The following ACP6 variants were observed in gnomAD, a reference collection of about 807,000 sequenced individuals.
The protein encoded by ACP6 is lysophosphatidic acid phosphatase type 6.
ACP6 carries 48 observed loss-of-function variants against 48.1 expected under a neutral mutation model. That is an observed-to-expected ratio of 1.00 (90% CI 0.79 to 1.27). The LOEUF is 1.27. Ranked by LOEUF, ACP6 falls within the 50% of genes most tolerant of loss-of-function variation. The pLI, the probability that ACP6 is intolerant of heterozygous loss-of-function variation, is 0.00. For missense variants in ACP6, 485 were observed against 529.1 expected (o/e 0.92, Z 0.82); for synonymous variants, 172 against 204.2 (o/e 0.84, Z 1.34).
chr1:147,664,823 C>G (rs1660719782), intron 1 of ACP6, among the ~76,000 whole-genome samples: 1 of 152,156 alleles, frequency 6.6e-6, no homozygotes, highest in Non-Finnish European at 1.5e-5. Flanking sequence ...ATATGAAGGC[C>G]ATAGCAGTTC....
Position 147,647,835 on chromosome 1 carries a change from G to A in ACP6, c.1144-269C>T, listed in dbSNP as rs116922464. On this transcript the variant is annotated intron_variant, in intron 9 of 9. Coordinates refer to ENST00000583509, the MANE Select transcript of ACP6 (RefSeq NM_016361.5). ...GAGAACCAACAGGCTCATCCCTGGG[G>A]CGTGCTCTGGCCTCTGCCCTGGACC... is the stretch of plus-strand genomic sequence containing the variant. 5.3e-3 allele frequency: 2,857 copies of A among 543,746 alleles called. 54 individuals are homozygous for A. Among genetic ancestry groups the A allele is most frequent in the Admixed American group, 0.037 (1,079 of 28,944 alleles). The allele number at this position is 543,746 out of a possible 1,614,324, so 33.7% of individuals were successfully genotyped here.
At chr1:147,652,222 T>G in intron 7 of ACP6, 1 of 449,932 alleles carries the variant, frequency 2.2e-6, no homozygotes, top group Non-Finnish European at 3.9e-6. Context: ...ATGAGGGTGG[T>G]GGCTCCTGGT....
chr1:147,629,811 CTA>C (rs1388625682), exon 6 of ACP6: 1 of 152,152 alleles, frequency 6.6e-6, no homozygotes, highest in Non-Finnish European at 1.5e-5. Context: ...AAAGTTGTCT[CTA>C]TTTAACATGG....
In ACP6 at chr1:147,644,938, A is replaced by G. The variant is rs1357184297; in HGVS notation, c.*2485T>C. Reference sequence around the variant, plus strand: ...ACAGGGAAAGGTCTAGGTTGAAGGTATAAATTTAGGAGACATTGTGTAAAT... The same window carrying G: ...ACAGGGAAAGGTCTAGGTTGAAGGTGTAAATTTAGGAGACATTGTGTAAAT... On this transcript the variant is annotated 3_prime_UTR_variant, in exon 10 of 10. Coordinates refer to ENST00000583509, the MANE Select transcript of ACP6 (RefSeq NM_016361.5). 2 of 152,082 alleles carry G rather than the reference A, an allele frequency of 1.3e-5. No individual in the cohort carries two copies. The highest frequency in any genetic ancestry group is 2.9e-5 in the Non-Finnish European group (2 of 68,002). The allele number at this position is 152,082 out of a possible 1,614,324, so 9.4% of individuals were successfully genotyped here. A position where few individuals can be genotyped will look rare whatever the true frequency, so the allele number is the denominator to read the frequency against.
At position 147,647,404 on chromosome 1, in the gene ACP6, T is replaced by C. The variant is rs1557878036; in HGVS notation, c.*19A>G. On this transcript the variant is annotated 3_prime_UTR_variant, in exon 10 of 10. Coordinates refer to ENST00000583509, the MANE Select transcript of ACP6 (RefSeq NM_016361.5). Reference sequence around the variant, plus strand: ...GGCACTTTATTTTAAAATCAACACATCCTGCTTTTATAAATCAGTTACTCT... The same window carrying C: ...GGCACTTTATTTTAAAATCAACACACCCTGCTTTTATAAATCAGTTACTCT... The C allele has an allele frequency of 7.4e-6, 12 of 1,613,744 alleles. No individual in the cohort carries two copies. Among genetic ancestry groups the C allele is most frequent in the South Asian group, 2.2e-5 (2 of 91,058 alleles).
rs587702607 is a variant in ACP6, at chr1:147,642,747, T to A, written c.*4676A>T. On this transcript the variant is annotated 3_prime_UTR_variant, in exon 10 of 10. Coordinates refer to ENST00000583509, the MANE Select transcript of ACP6 (RefSeq NM_016361.5). Reference sequence around the variant, plus strand: ...GGACACATCAGTGAACAAGAGGAAATCTGCCTTCATGGAGCTTCCATTTTA... The same window carrying A: ...GGACACATCAGTGAACAAGAGGAAAACTGCCTTCATGGAGCTTCCATTTTA... The A allele has an allele frequency of 6.6e-6, 1 of 152,310 alleles. No homozygotes were observed. Among genetic ancestry groups the A allele is most frequent in the East Asian group, 1.9e-4 (1 of 5,182 alleles). 9.4% of individuals were successfully genotyped at this position (152,310 alleles called of 1,614,324 possible). A position where few individuals can be genotyped will look rare whatever the true frequency, so the allele number is the denominator to read the frequency against.
At chr1:147,638,098 A>T (rs1659345477), downstream of ACP6, among the ~76,000 whole-genome samples, 1 of 152,226 alleles carries the variant, frequency 6.6e-6, no homozygotes, top group Admixed American at 6.5e-5. Flanking sequence ...CCAGGTTATG[A>T]TCTACAGATA....
chr1:147,633,861 TA>T (rs11383540), intron 5 of ACP6, among the ~76,000 whole-genome samples: 33,017 of 152,032 alleles, frequency 0.22, 4,944 homozygotes, highest in African/African-American at 0.42. Context: ...AAAATTGTGG[TA>T]AAAAAATACA....
chr1:147,655,369 C>G, intron 4 of ACP6, 121 bp from the exon 5 acceptor site: 1 of 740,964 alleles, frequency 1.3e-6, no homozygotes, highest in Non-Finnish European at 2.3e-6. Context: ...GGCAGATCAT[C>G]AAGGTTACTC....
rs1659843460 is a variant in ACP6 at position 147,650,184 on chromosome 1, C to G, written c.936G>C (p.Leu312=). The G allele has an allele frequency of 2.5e-6, 4 of 1,607,166 alleles. No homozygotes were observed. The South Asian group carries it at 4.4e-5, about 18-fold the overall frequency. Residue 312 remains leucine (L), a synonymous_variant, in exon 8 of 10, where the codon CTG becomes CTC. Transcript: ENST00000583509. ...CAGTGGCAGAGTCCATGGCTTTCAG[C>G]AGGTTGCTCTCTAGGATGTGGAGGA... The part of the protein sequence containing the change: ...GPFLHILESN[L]LKAMDSATAP...
At position 147,645,316 on chromosome 1, in the gene ACP6, T is replaced by G. The variant is rs1659582374; in HGVS notation, c.*2107A>C. On this transcript the variant is annotated 3_prime_UTR_variant, in exon 10 of 10. Transcript: ENST00000583509. ...GTTGGCCAGGCTGGTCTCGAACTCC[T>G]GGCCTCAGGTGATCTGCCTGCCTTG... 1 of 152,204 alleles carries G rather than the reference T, an allele frequency of 6.6e-6. No homozygotes were observed. 9.4% of individuals were successfully genotyped at this position (152,204 alleles called of 1,614,324 possible).
At position 147,652,507 on chromosome 1, in the gene ACP6, T is replaced by A. The variant is rs2153463; in HGVS notation, c.823A>T (p.Arg275Trp). ...PSCPMLKRFA[R>W]MIEQRAVDTS... ...TCCACAGCTCTCTGTTCGATCATCC[T>A]TGCAAATCTCTTCAGCATGGGGCAG... The change falls in exon 7 of 10, where the codon AGG becomes TGG. Residue 275 changes from arginine to tryptophan, a missense_variant. By Grantham distance (101) the Arg-to-Trp change is moderately radical. Transcript: ENST00000583509. The A allele has an allele frequency of 4.1e-5, 66 of 1,613,854 alleles. No homozygotes were observed. Among genetic ancestry groups the A allele is most frequent in the South Asian group, 1.1e-4 (10 of 91,056 alleles).
chr1:147,659,329 G>C, intron 3 of ACP6, 67 bp downstream of exon 3: 5 of 1,573,406 alleles, frequency 3.2e-6, no homozygotes, highest in Non-Finnish European at 4.3e-6. Context: ...ATCTTGGGGA[G>C]TCAGGACAGG....
At chr1:147,662,196 AAGG>A (rs2148914339) in intron 1 of ACP6, among the ~76,000 whole-genome samples, 1 of 152,328 alleles carries the variant, frequency 6.6e-6, no homozygotes, top group East Asian at 1.9e-4. Flanking sequence ...TAGTCACCCA[AAGG>A]CGCTAATGGA....
rs782315322 is a variant in ACP6, at chr1:147,648,318, A to C, written c.1071T>G (p.Val357=). 1.9e-6 allele frequency: 3 copies of C among 1,614,208 alleles called. No individual in the cohort carries two copies. In the Admixed American group the frequency reaches 5.0e-5, roughly 27 times the overall value. Residue 357 remains valine, a synonymous_variant, in exon 9 of 10, where the codon GTT becomes GTG. Transcript: ENST00000583509. ...IFDHKWPPFA[V]DLTMELYQHL... is the part of the protein sequence containing the mutation. ...GCTGGTAAAGTTCCATGGTCAGGTCAACAGCAAACGGTGGCCATTTGTGGT... is the reference window on the plus strand; with the variant it reads ...GCTGGTAAAGTTCCATGGTCAGGTCCACAGCAAACGGTGGCCATTTGTGGT...
chr1:147,657,981 C>G (rs1660343369), intron 4 of ACP6, among the ~76,000 whole-genome samples: 1 of 152,200 alleles, frequency 6.6e-6, no homozygotes, highest in Non-Finnish European at 1.5e-5. Flanking sequence ...AGATCTTTGC[C>G]TTTTAGAAGC....
chr1:147,636,140 C>G (rs1221124130), intron 5 of ACP6, among the ~76,000 whole-genome samples: 1 of 152,100 alleles, frequency 6.6e-6, no homozygotes, highest in African/African-American at 2.4e-5. Context: ...ACAGAGAAAC[C>G]TAAGCATGTG....
Position 147,648,446 on chromosome 1 carries a change from C to G in ACP6, c.978-35G>C, listed in dbSNP as rs150472235. 27 of 1,610,730 alleles carry G rather than the reference C, an allele frequency of 1.7e-5. No individual in the cohort carries two copies. In the East Asian group the frequency reaches 5.8e-4, roughly 35 times the overall value. On this transcript the variant is annotated intron_variant, in intron 8 of 9. Transcript: ENST00000583509. Reference sequence around the variant, plus strand: ...GAAACAGCTCTCCACAATTCTCTGCCTCAGGACTCTGAAGGTCAGGATGTG... The same window carrying G: ...GAAACAGCTCTCCACAATTCTCTGCGTCAGGACTCTGAAGGTCAGGATGTG...
At chr1:147,640,238 C>G (rs1375492719), downstream of ACP6, among the ~76,000 whole-genome samples, 1 of 152,046 alleles carries the variant, frequency 6.6e-6, no homozygotes, top group African/African-American at 2.4e-5. Context: ...GTCACAGGGC[C>G]CAGGAAAGTG....
Sources: allele counts gnomAD v4.1 joint callset (sites outside exome capture counted in the v4.1 genomes callset), GRCh38; gene constraint gnomAD v4.1.1; transcripts MANE v1.5; gene names NCBI Gene and HGNC (gene_info 2026-07-23, HGNC 2026-07-21).